Variants in DNAH17 observed in about 807,000 individuals in gnomAD.
The protein encoded by DNAH17 is dynein axonemal heavy chain 17, also known as axonemal beta dynein heavy chain 17.
Under a neutral mutation model 485.6 loss-of-function variants are expected in DNAH17, and 376 were observed. That is an observed-to-expected ratio of 0.77 (90% CI 0.71 to 0.84). The LOEUF (loss-of-function observed/expected upper bound fraction) is 0.84. DNAH17 is among the 40% of genes least tolerant of loss of function. The pLI, the probability that DNAH17 is intolerant of heterozygous loss-of-function variation, is 0.00. For missense variants in DNAH17, 6,370 were observed against 5,839.3 expected (o/e 1.09, Z -2.96); for synonymous variants, 3,031 against 2,405.9 (o/e 1.26, Z -7.60).
At chr17:78,505,536 G>A (rs1366762583) in intron 30 of DNAH17, 91 bp from the exon 31 acceptor site, 22 of 1,523,724 alleles carry the variant, frequency 1.4e-5, no homozygotes, top group Middle Eastern at 1.7e-4. Flanking sequence ...TTTAGGCATC[G>A]TTCTTTTTGG....
At chr17:78,456,204 C>T (rs1353037051) in intron 62 of DNAH17, among the ~76,000 whole-genome samples, 2 of 152,126 alleles carry the variant, frequency 1.3e-5, no homozygotes, top group Non-Finnish European at 2.9e-5. Flanking sequence ...GAAGCCGAGG[C>T]GGGAGAATTG....
rs2588550 is a variant in DNAH17 at position 78,500,583 on chromosome 17, A to G, written c.5484-122T>C. The G allele has an allele frequency of 0.37, 361,027 of 972,752 alleles. 69,477 individuals carry two copies. The highest frequency in any genetic ancestry group is 0.71 in the East Asian group (22,441 of 31,704). 60.3% of individuals were successfully genotyped at this position (972,752 alleles called of 1,614,324 possible). ...GAGTGCAGTGGTACAATCTTGGCTC[A>G]CTGCAACCTCTGCCTCCTGGGTTCA... is the stretch of plus-strand genomic sequence containing the variant. On this transcript the variant is annotated intron_variant, in intron 35 of 80. Transcript: ENST00000389840.
chr17:78,514,971 C>T lies in DNAH17; in HGVS notation c.3916G>A (p.Val1306Ile), dbSNP rs199509018. ...TTACAATCTATGTCCATCTGCTCAA[C>T]GTTGATATCTTTCCACTTGGTGGTC... Reference protein sequence around the residue: ...WKTTKWKDINVEQMDIDCKKF... With the variant: ...WKTTKWKDINIEQMDIDCKKF... Residue 1306 changes from valine (V) to isoleucine (I), a missense_variant, in exon 26 of 81, where the codon GTT (valine) becomes ATT (isoleucine). Physicochemically the swap from Val to Ile is conservative, Grantham distance 29. Transcript: ENST00000389840. 5.6e-6 allele frequency: 9 copies of T among 1,613,932 alleles called. No individual in the cohort carries two copies. Among genetic ancestry groups the T allele is most frequent in the Admixed American group, 5.0e-5 (3 of 60,008 alleles).
chr17:78,532,786 A>C, intron 19 of DNAH17, 50 bp from the exon 20 acceptor site: 1 of 1,519,220 alleles, frequency 6.6e-7, no homozygotes, highest in South Asian at 1.3e-5. Context: ...TGCCTGGTTC[A>C]TAATTTAGGT....
At chr17:78,574,675 G>A (rs73999136) in intron 2 of DNAH17, 38 bp downstream of exon 2, 24,172 of 1,545,504 alleles carry the variant, frequency 0.016, 323 homozygotes, top group South Asian at 0.041. Context: ...GAAGTCGGTC[G>A]TGCTCGACAC....
chr17:78,569,259 G>A lies in DNAH17; in HGVS notation c.1198-7C>T, dbSNP rs72920970. On this transcript the variant is annotated splice_region_variant and splice_polypyrimidine_tract_variant and intron_variant, in intron 8 of 80. Coordinates refer to ENST00000389840, the MANE Select transcript of DNAH17 (RefSeq NM_173628.4). The stretch of plus-strand genomic sequence containing the variant: ...AAGGCACGGGCTCTTTGTCCTTAGA[G>A]GAGAGAAAGAGAGATGAGGCCACGT... 0.34 allele frequency: 539,269 copies of A among 1,599,836 alleles called. 93,892 individuals are homozygous for A. The highest frequency in any genetic ancestry group is 0.5 in the Admixed American group (28,515 of 57,360).
At chr17:78,491,009 T>C (rs1356636090) in intron 43 of DNAH17, among the ~76,000 whole-genome samples, 162 bp from the exon 44 acceptor site, 2 of 152,186 alleles carry the variant, frequency 1.3e-5, no homozygotes, top group Non-Finnish European at 2.9e-5. Context: ...GGCCCAGGGC[T>C]TCTCTGCCTT....
At chr17:78,433,769 C>T (rs1451070092) in intron 75 of DNAH17, among the ~76,000 whole-genome samples, 1 of 152,122 alleles carries the variant, frequency 6.6e-6, no homozygotes, top group Non-Finnish European at 1.5e-5. Context: ...CAAAAGCCGG[C>T]TCCTGCAGGA....
At chr17:78,465,179 G>A (rs1368017245) in intron 56 of DNAH17, among the ~76,000 whole-genome samples, 1 of 152,228 alleles carries the variant, frequency 6.6e-6, no homozygotes, top group African/African-American at 2.4e-5. Flanking sequence ...TGATCCGCCA[G>A]CCTCGGCCTC....
Position 78,572,738 on chromosome 17 carries a change from G to A in DNAH17, c.502C>T (p.Leu168=). 9 of 1,611,894 alleles carry A rather than the reference G, an allele frequency of 5.6e-6. No homozygotes were observed. The highest frequency in any genetic ancestry group is 7.6e-6 in the Non-Finnish European group (9 of 1,179,172). ...GKTLLPIPEH[L]GSLDGTLESM... ...TCCAGCGTGCCATCCAGGCTGCCCA[G>A]GTGCTCCGGAATAGGCAGCAAGGTT... Residue 168 remains leucine, a synonymous_variant, in exon 3 of 81, where the codon CTG becomes TTG. Coordinates refer to ENST00000389840, the MANE Select transcript of DNAH17 (RefSeq NM_173628.4).
chr17:78,567,186 C>T lies in DNAH17; in HGVS notation c.1285-20G>A, dbSNP rs2143697446. The T allele has an allele frequency of 3.2e-6, 5 of 1,578,954 alleles. No homozygotes were observed. In the East Asian group the frequency reaches 1.2e-4, roughly 36 times the overall value. On this transcript the variant is annotated intron_variant, in intron 9 of 80. Transcript: ENST00000389840. ...GAGTTCCTAGTGGAGGAGAAAAACA[C>T]AGTCAATTCATCTTCACAACCCAAC...
At position 78,478,799 on chromosome 17, in the gene DNAH17, C is replaced by G. The variant is rs2089220447; in HGVS notation, c.7992+226G>C. The G allele has an allele frequency of 5.7e-6, 3 of 523,984 alleles. No individual in the cohort carries two copies. In the South Asian group the frequency reaches 8.0e-5, roughly 14 times the overall value. 32.5% of individuals were successfully genotyped at this position (523,984 alleles called of 1,614,324 possible). On this transcript the variant is annotated intron_variant, in intron 51 of 80. Transcript: ENST00000389840. ...ACCATCACTATCATCATAACCATCA[C>G]TACCACCATCATCACATCACCATCA...
chr17:78,571,340 T>C lies in DNAH17; in HGVS notation c.771A>G (p.Leu257=). 6.2e-7 allele frequency: 1 copy of C among 1,613,816 alleles called. No homozygotes were observed. The highest frequency in any genetic ancestry group is 1.1e-5 in the South Asian group (1 of 91,058). ...RPKVNKIVEI[L]EKAKSCYWPA... ...GCCAGTAGCAGCTTTTGGCTTTCTC[T>C]AGGATCTCAACAATCTTGTTCACTT... Residue 257 remains leucine, a synonymous_variant, in exon 5 of 81, where the codon CTA becomes CTG. Transcript: ENST00000389840.
In DNAH17 at chr17:78,563,080, C is replaced by G. The variant is rs905541855; in HGVS notation, c.1570-1100G>C. On this transcript the variant is annotated intron_variant, in intron 11 of 80. Coordinates refer to ENST00000389840, the MANE Select transcript of DNAH17 (RefSeq NM_173628.4). ...CACAGGAGGAAAAACCAAAACATGACTGCGAAGAGAGGGAGATTTTTCAGG... is the reference window on the plus strand; with the variant it reads ...CACAGGAGGAAAAACCAAAACATGAGTGCGAAGAGAGGGAGATTTTTCAGG... Among the ~76,000 whole-genome samples, 4 of 152,312 alleles carry G rather than the reference C, an allele frequency of 2.6e-5. No homozygotes were observed. In the East Asian group the frequency reaches 7.7e-4, roughly 29 times the overall value.
At chr17:78,506,307 T>C (rs563733709) in intron 30 of DNAH17, among the ~76,000 whole-genome samples, 2 of 151,816 alleles carry the variant, frequency 1.3e-5, no homozygotes, top group African/African-American at 4.8e-5. Context: ...GTGCCTGACC[T>C]CTTTTCTCTT....
chr17:78,533,831 C>T (rs559509677), intron 19 of DNAH17, among the ~76,000 whole-genome samples: 2 of 152,036 alleles, frequency 1.3e-5, no homozygotes, highest in South Asian at 4.2e-4. Flanking sequence ...ATTACAGGCT[C>T]CCACCACCAT....
rs546961324 is a variant in DNAH17 at position 78,451,511 on chromosome 17, G to A, written c.10692C>T (p.Ala3564=). The A allele has an allele frequency of 4.0e-5, 64 of 1,613,654 alleles. 1 individual carries two copies. The highest frequency in any genetic ancestry group is 2.0e-4 in the Admixed American group (12 of 59,980). The change falls in exon 66 of 81, where the codon GCC becomes GCT. Residue 3564 remains alanine, a synonymous_variant. Coordinates refer to ENST00000389840, the MANE Select transcript of DNAH17 (RefSeq NM_173628.4). ...TRDGLEDQLL[A]AVVAKERPDL... ...CTGGGCGCTCTTTGGCCACCACAGC[G>A]GCCAAGAGTTGGTCCTCGAGTCCAT... is the stretch of plus-strand genomic sequence containing the variant.
chr17:78,549,962 G>A (rs1003950871), intron 16 of DNAH17, among the ~76,000 whole-genome samples: 2 of 152,192 alleles, frequency 1.3e-5, no homozygotes, highest in African/African-American at 2.4e-5. Context: ...GAGGCTGGGT[G>A]AGCATTGCAG....
intron 48 of DNAH17, among the ~76,000 whole-genome samples, chr17:78,484,530 T>C (rs2146640022): frequency 1.3e-5 from 2 of 151,264 alleles, no homozygotes; most frequent in Admixed American, 1.3e-4. Flanking sequence ...TGCTTCTTCC[T>C]CTCCCGGCGG....
Sources: gnomAD v4.1 joint callset for allele counts (sites outside exome capture counted in the v4.1 genomes callset) on GRCh38, gnomAD v4.1.1 for gene constraint, MANE v1.5 for transcripts, NCBI Gene and HGNC (gene_info 2026-07-23, HGNC 2026-07-21) for gene names.